ASAP1: variants seen among roughly 807,000 people sequenced by gnomAD.
The protein encoded by ASAP1 is ArfGAP with SH3 domain, ankyrin repeat and PH domain 1.
ASAP1 carries 43 observed loss-of-function variants against 145.2 expected under a neutral mutation model. That is an observed-to-expected ratio of 0.30 (90% CI 0.23 to 0.38). ASAP1 has a LOEUF of 0.38. Ranked by LOEUF, ASAP1 falls within the 10% of genes least tolerant of loss-of-function variation. The pLI, the probability that ASAP1 is intolerant of heterozygous loss-of-function variation, is 1.00. For synonymous variants in ASAP1, 546 were observed against 515.5 expected, an observed-to-expected ratio of 1.06 and a Z score of -0.80; for missense variants, 1,018 against 1,355.3, an observed-to-expected ratio of 0.75 and a Z score of 3.91.
At chr8:130,140,634 G>A (rs1206253952) in intron 13 of ASAP1, among the ~76,000 whole-genome samples, 1 of 152,146 alleles carries the variant, frequency 6.6e-6, no homozygotes, top group Non-Finnish European at 1.5e-5. Context: ...TGGTGATGAC[G>A]TTATGATGTT....
chr8:130,201,595 G>A (rs1235220316), intron 5 of ASAP1, among the ~76,000 whole-genome samples: 2 of 152,156 alleles, frequency 1.3e-5, no homozygotes, highest in Admixed American at 6.5e-5. Flanking sequence ...TTCATTTGAC[G>A]ATAATTATAT....
intron 2 of ASAP1, among the ~76,000 whole-genome samples, chr8:130,383,572 G>A (rs1199372381): frequency 1.3e-5 from 2 of 152,174 alleles, no homozygotes; most frequent in Non-Finnish European, 2.9e-5. Flanking sequence ...CTGCAGTGGC[G>A]TGTGGGATCT....
At chr8:130,378,385 C>T (rs548593407) in intron 2 of ASAP1, among the ~76,000 whole-genome samples, 2 of 152,176 alleles carry the variant, frequency 1.3e-5, no homozygotes, top group South Asian at 2.1e-4. Flanking sequence ...GACTTCACGG[C>T]GAAGGTGACA....
chr8:130,385,884 C>A (rs1448403502), intron 2 of ASAP1, among the ~76,000 whole-genome samples: 6 of 152,238 alleles, frequency 3.9e-5, no homozygotes, highest in African/African-American at 4.8e-5. Flanking sequence ...GGAGTCCCCC[C>A]ACATCCTTTG....
At chr8:130,205,840 C>A (rs1285652179) in intron 5 of ASAP1, among the ~76,000 whole-genome samples, 3 of 151,898 alleles carry the variant, frequency 2.0e-5, no homozygotes, top group Non-Finnish European at 4.4e-5. Context: ...CTTCTGAAAT[C>A]GGTAAAACTC....
chr8:130,169,148 G>T lies in ASAP1; in HGVS notation c.747-81C>A. On this transcript the variant is annotated intron_variant, in intron 9 of 29. Transcript: ENST00000518721. ...TTTCCTTATGTGGAAATAAAAAAAG[G>T]AACTATAATAACCTACAAAATCTGA... is the stretch of plus-strand genomic sequence containing the variant. 9 of 842,548 alleles carry T rather than the reference G, an allele frequency of 1.1e-5. No homozygotes were observed. The South Asian group carries it at 1.4e-4, about 13-fold the overall frequency. The allele number at this position is 842,548 out of a possible 1,614,324, so 52.2% of individuals were successfully genotyped here. A position where few individuals can be genotyped will look rare whatever the true frequency, so the allele number is the denominator to read the frequency against.
chr8:130,376,903 CAAAAAAAAAAAAAA>C (rs34006260), intron 2 of ASAP1, among the ~76,000 whole-genome samples: 4 of 26,004 alleles, frequency 1.5e-4, no homozygotes, highest in African/African-American at 1.1e-4. Flanking sequence ...AACTCCATCT[CAAAAAAAAAAAAAA>C]AAAAAAAAAA....
intron 18 of ASAP1, among the ~76,000 whole-genome samples, chr8:130,121,012 T>C (rs2097564959): frequency 2.6e-5 from 4 of 152,234 alleles, no homozygotes; most frequent in Admixed American, 2.6e-4. Flanking sequence ...TGCTACTATC[T>C]ATTTACCTAG....
At position 130,283,713 on chromosome 8, in the gene ASAP1, A is replaced by C. The variant is rs1821415020; in HGVS notation, c.187-46719T>G. On this transcript the variant is annotated intron_variant, in intron 3 of 29. Coordinates refer to ENST00000518721, the MANE Select transcript of ASAP1 (RefSeq NM_018482.4). ...AAAGAGACTAACTTGATAAGAACAG[A>C]AAGTTGTAGTTGAGACTGGATACAT... Among the ~76,000 whole-genome samples, 2 of 152,068 alleles carry C rather than the reference A, an allele frequency of 1.3e-5. 1 individual carries two copies. The highest frequency in any genetic ancestry group is 4.1e-4 in the South Asian group (2 of 4,830).
intron 3 of ASAP1, among the ~76,000 whole-genome samples, chr8:130,256,257 A>G (rs2136917933): frequency 6.6e-6 from 1 of 152,328 alleles, no homozygotes; most frequent in South Asian, 2.1e-4. Flanking sequence ...CTAACACTTC[A>G]GAGATGTTTT....
At chr8:130,340,850 T>C (rs1825330630) in intron 3 of ASAP1, 1 of 454,308 alleles carries the variant, frequency 2.2e-6, no homozygotes, top group African/African-American at 2.0e-5. Flanking sequence ...ACCTTGTGAC[T>C]CTTATGATGG....
intron 3 of ASAP1, among the ~76,000 whole-genome samples, chr8:130,279,889 A>T (rs919316949): frequency 1.3e-5 from 2 of 152,210 alleles, no homozygotes; most frequent in Non-Finnish European, 2.9e-5. Flanking sequence ...TTGAACCAAT[A>T]ATCAATATAA....
chr8:130,374,963 C>T (rs910247191), intron 2 of ASAP1, among the ~76,000 whole-genome samples: 4 of 152,184 alleles, frequency 2.6e-5, no homozygotes, highest in Admixed American at 2.6e-4. Flanking sequence ...TTGTGGGCCC[C>T]CTTCAGGAAT....
intron 2 of ASAP1, among the ~76,000 whole-genome samples, chr8:130,386,034 C>G (rs1402436143): frequency 6.6e-6 from 1 of 151,944 alleles, no homozygotes; most frequent in African/African-American, 2.4e-5. Flanking sequence ...GATAGACCAA[C>G]GGGAATCAAT....
rs1015409349 is a variant in ASAP1 at position 130,119,195 on chromosome 8, T to C, written c.1608-520A>G. Among the ~76,000 whole-genome samples the C allele has an allele frequency of 2.6e-5, 4 of 152,300 alleles. No individual in the cohort carries two copies. In the East Asian group the frequency reaches 5.8e-4, roughly 22 times the overall value. On this transcript the variant is annotated intron_variant, in intron 18 of 29. Coordinates refer to ENST00000518721, the MANE Select transcript of ASAP1 (RefSeq NM_018482.4). ...CTGAGCTCAAGCAATTCTCCTGCCTTGGCCTCCCAAAGAGTTGGGATTACA... is the reference window on the plus strand; with the variant it reads ...CTGAGCTCAAGCAATTCTCCTGCCTCGGCCTCCCAAAGAGTTGGGATTACA...
At chr8:130,241,005 A>G (rs1818492321) in intron 3 of ASAP1, among the ~76,000 whole-genome samples, 1 of 152,108 alleles carries the variant, frequency 6.6e-6, no homozygotes, top group Non-Finnish European at 1.5e-5. Flanking sequence ...AGTCCTTGAG[A>G]CTTTGAGGAC....
chr8:130,398,951 A>G (rs1403159554), intron 2 of ASAP1, among the ~76,000 whole-genome samples: 1 of 152,182 alleles, frequency 6.6e-6, no homozygotes, highest in Admixed American at 6.5e-5. Flanking sequence ...ATAACTCTCA[A>G]TTTGGTAAGC....
At chr8:130,188,733 A>G (rs1344745568) in intron 5 of ASAP1, among the ~76,000 whole-genome samples, 1 of 151,084 alleles carries the variant, frequency 6.6e-6, no homozygotes, top group African/African-American at 2.4e-5. Flanking sequence ...CAAAAAAAAA[A>G]AAAAAAAAAA....
At chr8:130,070,822 G>A (rs56256466) in intron 27 of ASAP1, among the ~76,000 whole-genome samples, 10,141 of 58,420 alleles carry the variant, frequency 0.17, 1,073 homozygotes, top group East Asian at 0.52. Flanking sequence ...GGGGAGAGAG[G>A]GAGAGAGGGA....
Sources: gnomAD v4.1 joint callset for allele counts (sites outside exome capture counted in the v4.1 genomes callset) on GRCh38, gnomAD v4.1.1 for gene constraint, MANE v1.5 for transcripts, NCBI Gene and HGNC (gene_info 2026-07-23, HGNC 2026-07-21) for gene names.